DDX50: variants seen among roughly 807,000 people sequenced by gnomAD.
The protein encoded by DDX50 is ATP-dependent RNA helicase DDX50.
A neutral mutation model predicts 94.8 loss-of-function variants in DDX50; 56 were observed. The ratio of observed to expected loss-of-function variants is 0.59; its 90% CI spans 0.48 to 0.74. The LOEUF (loss-of-function observed/expected upper bound fraction) is 0.74. Ranked by LOEUF, DDX50 falls within the 30% of genes least tolerant of loss-of-function variation. DDX50 has a pLI of 0.00. For missense variants in DDX50, 713 were observed against 881.2 expected, an observed-to-expected ratio of 0.81 and a Z score of 2.42; for synonymous variants, 264 against 295.4, an observed-to-expected ratio of 0.89 and a Z score of 1.09.
intron 10 of DDX50, among the ~76,000 whole-genome samples, chr10:68,935,650 C>A (rs1484442013): frequency 6.6e-6 from 1 of 152,078 alleles, no homozygotes; most frequent in Non-Finnish European, 1.5e-5. Flanking sequence ...GCCTGCCCAA[C>A]ATGGTGAAAC....
At chr10:68,904,977 GT>G (rs1841398714) in intron 1 of DDX50, among the ~76,000 whole-genome samples, 1 of 152,222 alleles carries the variant, frequency 6.6e-6, no homozygotes, top group African/African-American at 2.4e-5. Flanking sequence ...GGTGGTAGTA[GT>G]TTTTACTATC....
At chr10:68,920,521 A>G (rs932152941) in intron 8 of DDX50, among the ~76,000 whole-genome samples, 9 of 152,158 alleles carry the variant, frequency 5.9e-5, no homozygotes, top group African/African-American at 1.2e-4. Context: ...TCTGGAAAAT[A>G]TAAAAGTTGA....
intron 8 of DDX50, among the ~76,000 whole-genome samples, chr10:68,929,931 C>T (rs1203386280): frequency 6.6e-6 from 1 of 151,238 alleles, no homozygotes; most frequent in South Asian, 2.1e-4. Context: ...CGGGGTTTTG[C>T]CATGTTGGCC....
intron 10 of DDX50, among the ~76,000 whole-genome samples, chr10:68,935,550 C>A (rs977245299): frequency 1.4e-4 from 21 of 151,854 alleles, no homozygotes; most frequent in Non-Finnish European, 2.6e-4. Flanking sequence ...AAAAAAAGAT[C>A]TTGGCTGGGT....
chr10:68,929,007 G>A (rs1842161982), intron 8 of DDX50, among the ~76,000 whole-genome samples: 1 of 151,942 alleles, frequency 6.6e-6, no homozygotes, highest in South Asian at 2.1e-4. Context: ...GGAGTGCAGT[G>A]GCGCGATCTC....
At chr10:68,935,883 T>A (rs547325275) in intron 10 of DDX50, 123 bp from the exon 11 acceptor site, 4 of 669,028 alleles carry the variant, frequency 6.0e-6, no homozygotes, top group Non-Finnish European at 7.3e-6. Flanking sequence ...GATCTTTTAA[T>A]CTGCTAGGGC....
At chr10:68,908,021 A>G (rs1242646594) in intron 2 of DDX50, among the ~76,000 whole-genome samples, 1 of 152,238 alleles carries the variant, frequency 6.6e-6, no homozygotes, top group Non-Finnish European at 1.5e-5. Flanking sequence ...TATTGTTGAT[A>G]ATAGGAAAAT....
intron 2 of DDX50, among the ~76,000 whole-genome samples, chr10:68,909,276 A>G (rs559136184): frequency 2.0e-5 from 3 of 152,334 alleles, no homozygotes; most frequent in African/African-American, 7.2e-5. Context: ...TAAACACATG[A>G]ACAATAAAGC....
intron 12 of DDX50, among the ~76,000 whole-genome samples, chr10:68,940,205 C>G (rs2132062337): frequency 6.6e-6 from 1 of 151,678 alleles, no homozygotes; most frequent in Non-Finnish European, 1.5e-5. Context: ...CCTGGGCAAC[C>G]CCGTCTCTAC....
chr10:68,908,637 CTTTTTTTTTTT>C (rs1157178909), intron 2 of DDX50, among the ~76,000 whole-genome samples: 6 of 95,732 alleles, frequency 6.3e-5, no homozygotes, highest in Non-Finnish European at 1.0e-4. Flanking sequence ...TTAAAATTTC[CTTTTTTTTTTT>C]TTTTTTTTTT....
intron 1 of DDX50, among the ~76,000 whole-genome samples, chr10:68,903,863 C>T (rs1252321138): frequency 6.6e-6 from 1 of 151,496 alleles, no homozygotes; most frequent in African/African-American, 2.4e-5. Context: ...GTAATTCCAG[C>T]TACTCGGGAG....
intron 14 of DDX50, among the ~76,000 whole-genome samples, chr10:68,945,334 A>G (rs999445754): frequency 6.6e-6 from 1 of 151,318 alleles, no homozygotes; most frequent in African/African-American, 2.4e-5. Context: ...TTGAGACAAG[A>G]GTCACTCTGT....
rs1396758038 is a variant in DDX50 at position 68,907,002 on chromosome 10, G to C, written c.379G>C (p.Glu127Gln). 1 of 1,575,590 alleles carries C rather than the reference G, an allele frequency of 6.3e-7. No homozygotes were observed. The highest frequency in any genetic ancestry group is 8.5e-7 in the Non-Finnish European group (1 of 1,170,706). Residue 127 changes from glutamate to glutamine, a missense_variant, in exon 2 of 15, where the codon GAG becomes CAG. Physicochemically the swap from Glu to Gln is conservative, Grantham distance 29. Coordinates refer to ENST00000373585, the MANE Select transcript of DDX50 (RefSeq NM_024045.2). ...STHKSSDNKL[E>Q]ETLTREQKEG... ...TCATAAATCAAGTGATAATAAACTAGAGGAGGTATGGAAGCTTTTTATTTT... is the reference window on the plus strand; with the variant it reads ...TCATAAATCAAGTGATAATAAACTACAGGAGGTATGGAAGCTTTTTATTTT...
At position 68,913,410 on chromosome 10, in the gene DDX50, T is replaced by C; in HGVS notation, c.777T>C (p.Gly259=). The stretch of plus-strand genomic sequence containing the variant: ...TCACAGTTAATCATATTCGAAATGG[T>C]ATTGACATCTTGGTTGGAACACCTG... ...YQSQINHIRN[G]IDILVGTPGR... Residue 259 remains glycine (G), a synonymous_variant, in exon 6 of 15, where the codon GGT becomes GGC. Coordinates refer to ENST00000373585, the MANE Select transcript of DDX50 (RefSeq NM_024045.2). 6.2e-7 allele frequency: 1 copy of C among 1,613,458 alleles called. No individual in the cohort carries two copies.
At chr10:68,944,228 G>A (rs1842612842) in intron 14 of DDX50, among the ~76,000 whole-genome samples, 1 of 152,012 alleles carries the variant, frequency 6.6e-6, no homozygotes, top group African/African-American at 2.4e-5. Flanking sequence ...GGTCCATAAA[G>A]CTCATAGATT....
chr10:68,916,972 C>T (rs994345885), intron 7 of DDX50, among the ~76,000 whole-genome samples: 2 of 151,908 alleles, frequency 1.3e-5, no homozygotes, highest in Admixed American at 6.6e-5. Context: ...AGGCGTGAGC[C>T]ACTGCGCCTG....
chr10:68,929,445 G>A (rs541739660), intron 8 of DDX50, among the ~76,000 whole-genome samples: 1 of 138,216 alleles, frequency 7.2e-6, no homozygotes, highest in East Asian at 2.1e-4. Context: ...TTTCTTTCCA[G>A]ATGGAGTTTC....
intron 7 of DDX50, among the ~76,000 whole-genome samples, chr10:68,915,002 C>T (rs1841741303): frequency 7.6e-6 from 1 of 131,910 alleles, no homozygotes; most frequent in African/African-American, 2.9e-5. Context: ...GCCTGGGTGA[C>T]AGAGGGAGAC....
intron 7 of DDX50, among the ~76,000 whole-genome samples, chr10:68,916,825 C>T (rs1288494070): frequency 6.6e-6 from 1 of 152,134 alleles, no homozygotes; most frequent in Non-Finnish European, 1.5e-5. Context: ...GCTGGGATTA[C>T]AGGCGCCCAC....
Sources: allele counts gnomAD v4.1 joint callset (sites outside exome capture counted in the v4.1 genomes callset), GRCh38; gene constraint gnomAD v4.1.1; transcripts MANE v1.5; gene names NCBI Gene and HGNC (gene_info 2026-07-23, HGNC 2026-07-21).